FAT4: variants seen among roughly 807,000 people sequenced by gnomAD.
FAT4 encodes FAT atypical cadherin 4, also known as protocadherin Fat 4.
In FAT4, 84 loss-of-function variants were observed where a neutral mutation model predicts 303.9. That is an observed-to-expected ratio of 0.28 (90% CI 0.23 to 0.33). The LOEUF (loss-of-function observed/expected upper bound fraction) is 0.33, where lower values mean the gene tolerates loss of function less well. Among genes scored for constraint, FAT4 ranks in the 10% least tolerant of loss-of-function variants. FAT4 has a pLI of 1.00. For synonymous variants in FAT4, 2,307 were observed against 2,298.8 expected, an observed-to-expected ratio of 1.00 and a Z score of -0.10; for missense variants, 6,005 against 6,146.8, an observed-to-expected ratio of 0.98 and a Z score of 0.77.
At chr4:125,481,066 G>C (rs542403148) in intron 15 of FAT4, among the ~76,000 whole-genome samples, 1 of 151,854 alleles carries the variant, frequency 6.6e-6, no homozygotes, top group Non-Finnish European at 1.5e-5. Flanking sequence ...GTTAGTTACC[G>C]ATGTAAATAC....
intron 8 of FAT4, among the ~76,000 whole-genome samples, chr4:125,440,118 C>A (rs991080836): frequency 6.6e-5 from 10 of 151,942 alleles, no homozygotes; most frequent in Admixed American, 2.6e-4. Flanking sequence ...TATATTCTTT[C>A]TTTTACAATA....
chr4:125,316,303 C>G lies in FAT4; in HGVS notation c.-12-97C>G. 1 of 1,437,464 alleles carries G rather than the reference C, an allele frequency of 7.0e-7. No individual in the cohort carries two copies. The highest frequency in any genetic ancestry group is 9.3e-7 in the Non-Finnish European group (1 of 1,075,926). 89.0% of individuals were successfully genotyped at this position (1,437,464 alleles called of 1,614,324 possible). A position where few individuals can be genotyped will look rare whatever the true frequency, so the allele number is the denominator to read the frequency against. The stretch of plus-strand genomic sequence containing the variant: ...TCTTTGAAATAGCAGAGGTCTCAGA[C>G]CAAGCCGTCAGCTGAATCTTTGCTG... On this transcript the variant is annotated intron_variant, in intron 1 of 17. Transcript: ENST00000394329. This position sits in a 1 kb window ranked among gnomAD's most constrained non-coding sequence, Gnocchi z 5.7.
At chr4:125,463,982 A>T (rs1435556261) in intron 11 of FAT4, among the ~76,000 whole-genome samples, 1 of 152,126 alleles carries the variant, frequency 6.6e-6, no homozygotes. Context: ...AAATTCTGTA[A>T]GCACTCTTTC....
chr4:125,483,121 T>G (rs2126088512), intron 16 of FAT4, among the ~76,000 whole-genome samples: 1 of 152,302 alleles, frequency 6.6e-6, no homozygotes, highest in Admixed American at 6.5e-5. Context: ...CCCTTTTCCC[T>G]TACAAGAGAA....
rs759482090 is a variant in FAT4, at chr4:125,321,232, G to T, written c.4821G>T (p.Gly1607=). The T allele has an allele frequency of 6.2e-7, 1 of 1,614,014 alleles. No homozygotes were observed. The highest frequency in any genetic ancestry group is 1.7e-5 in the Admixed American group (1 of 59,996). Residue 1607 remains glycine, a synonymous_variant, in exon 2 of 18, where the codon GGG becomes GGT. Transcript: ENST00000394329. ...YNLIVSATDL[G]PERRKSTTEL... is the part of the protein sequence containing the mutation. The stretch of plus-strand genomic sequence containing the variant: ...TCATAGTTTCAGCAACAGACCTTGG[G>T]CCTGAAAGGAGGAAATCGACCACTG...
chr4:125,404,207 A>C (rs945678010), intron 3 of FAT4, among the ~76,000 whole-genome samples: 1 of 152,110 alleles, frequency 6.6e-6, no homozygotes, highest in Non-Finnish European at 1.5e-5. Flanking sequence ...TTCATTTTAC[A>C]GAACTGTTTC....
intron 10 of FAT4, among the ~76,000 whole-genome samples, chr4:125,462,879 A>G (rs1479926909): frequency 1.3e-5 from 2 of 152,072 alleles, no homozygotes; most frequent in Non-Finnish European, 2.9e-5. Context: ...TGTCTGGCCC[A>G]TAATAAGCAC....
At chr4:125,335,425 T>G (rs1176022290) in intron 2 of FAT4, among the ~76,000 whole-genome samples, 1 of 152,074 alleles carries the variant, frequency 6.6e-6, no homozygotes, top group Non-Finnish European at 1.5e-5. Flanking sequence ...TTATTATAAG[T>G]GTCTAAAATT....
chr4:125,375,877 TTA>T (rs1160783734), intron 2 of FAT4, among the ~76,000 whole-genome samples: 1 of 152,224 alleles, frequency 6.6e-6, no homozygotes, highest in Non-Finnish European at 1.5e-5. Flanking sequence ...TACAATATAT[TTA>T]CCTGACATTA....
In FAT4 at chr4:125,415,922, A is replaced by G. The variant is rs149107843; in HGVS notation, c.6843+116A>G. ...GTTCTCTCCTCATTCTCATCCATAAATGCTCAATTGCAGATACAGCAAATT... is the reference window on the plus strand; with the variant it reads ...GTTCTCTCCTCATTCTCATCCATAAGTGCTCAATTGCAGATACAGCAAATT... On this transcript the variant is annotated intron_variant, in intron 6 of 17. Transcript: ENST00000394329. The G allele has an allele frequency of 5.3e-4, 415 of 782,198 alleles. 1 individual carries two copies. The highest frequency in any genetic ancestry group is 7.3e-4 in the Non-Finnish European group (364 of 501,506). 48.5% of individuals were successfully genotyped at this position (782,198 alleles called of 1,614,324 possible).
chr4:125,361,959 G>A (rs1210785319), intron 2 of FAT4, among the ~76,000 whole-genome samples: 18 of 152,002 alleles, frequency 1.2e-4, no homozygotes, highest in Admixed American at 1.2e-3. Context: ...ATGTTGCCTT[G>A]TTTATTTTAA....
intron 17 of FAT4, among the ~76,000 whole-genome samples, chr4:125,488,817 A>G (rs1450044777): frequency 1.3e-5 from 2 of 152,218 alleles, no homozygotes; most frequent in Non-Finnish European, 2.9e-5. Context: ...AGTACTGGAC[A>G]TGGATGTGAT....
At chr4:125,423,375 G>A (rs1724974662) in intron 7 of FAT4, among the ~76,000 whole-genome samples, 3 of 152,130 alleles carry the variant, frequency 2.0e-5, no homozygotes, top group Non-Finnish European at 2.9e-5. Context: ...CCACATCATA[G>A]TCACTCTAGC....
In FAT4 at chr4:125,317,759, G is replaced by A. The variant is rs756378994; in HGVS notation, c.1348G>A (p.Ala450Thr). ...VSDNYGAPPG[A>T]AVQARSSVAS... The stretch of plus-strand genomic sequence containing the variant: ...TGATAACTACGGGGCGCCCCCTGGC[G>A]CAGCAGTCCAGGCGCGCTCTTCTGT... The change falls in exon 2 of 18, where the codon GCA (alanine) becomes ACA (threonine). Residue 450 changes from alanine (A) to threonine (T), a missense_variant. Transcript: ENST00000394329. The surrounding 1 kb of genome is among the most constrained non-coding windows in gnomAD (Gnocchi z 7.0). 6.2e-7 allele frequency: 1 copy of A among 1,614,130 alleles called. No homozygotes were observed. The highest frequency in any genetic ancestry group is 1.1e-5 in the South Asian group (1 of 91,086).
Position 125,448,487 on chromosome 4 carries a change from A to G in FAT4, c.7477A>G (p.Thr2493Ala). 6.2e-7 allele frequency: 1 copy of G among 1,609,306 alleles called. No individual in the cohort carries two copies. Among genetic ancestry groups the G allele is most frequent in the South Asian group, 1.1e-5 (1 of 90,606 alleles). Residue 2493 changes from threonine (T) to alanine (A), a missense_variant, in exon 10 of 18, where the codon ACA (threonine) becomes GCA (alanine). Thr to Ala is a moderately conservative substitution (Grantham distance 58, BLOSUM62 0). Coordinates refer to ENST00000394329, the MANE Select transcript of FAT4 (RefSeq NM_001291303.3). ...TTCCTTTGTCTTTGCGGTTACAGTC[A>G]CAGATGCTGATATTGGACCAAATTC... Reference protein sequence around the residue: ...PGSFVFAVTVTDADIGPNSEL... With the variant: ...PGSFVFAVTVADADIGPNSEL...
rs775290400 is a variant in FAT4 at position 125,415,042 on chromosome 4, C to T, written c.6079C>T (p.Pro2027Ser). The T allele has an allele frequency of 1.9e-6, 3 of 1,614,072 alleles. No individual in the cohort carries two copies. The highest frequency in any genetic ancestry group is 3.3e-5 in the Admixed American group (2 of 60,004). ...VVQVHDLPQI[P>S]ASRFTSTAQV... ...TCAAGTGCATGACCTGCCACAGATT[C>T]CAGCCTCCAGATTCACAAGCACTGC... Residue 2027 changes from proline to serine, a missense_variant, in exon 6 of 18, where the codon CCA becomes TCA. Coordinates refer to ENST00000394329, the MANE Select transcript of FAT4 (RefSeq NM_001291303.3).
Position 125,449,049 on chromosome 4 carries a change from T to C in FAT4, c.8039T>C (p.Ile2680Thr). 6.2e-7 allele frequency: 1 copy of C among 1,613,902 alleles called. No homozygotes were observed. The highest frequency in any genetic ancestry group is 1.1e-5 in the South Asian group (1 of 91,072). ...AAGGAAGACCCATTTATATCTGAAA[T>C]ATTGGAAAACCTTTCCCCTCGAAAA... Reference protein sequence around the residue: ...IFKEDPFISEILENLSPRKIL... With the variant: ...IFKEDPFISETLENLSPRKIL... The change falls in exon 10 of 18, where the codon ATA (isoleucine) becomes ACA (threonine). Residue 2680 changes from isoleucine to threonine, a missense_variant. By Grantham distance (89) the Ile-to-Thr change is moderately conservative (BLOSUM62 -1). Transcript: ENST00000394329.
chr4:125,342,739 G>C (rs1731846422), intron 2 of FAT4, among the ~76,000 whole-genome samples: 1 of 151,662 alleles, frequency 6.6e-6, no homozygotes, highest in Non-Finnish European at 1.5e-5. Flanking sequence ...TAACAATATG[G>C]TCAAGAATGA....
At chr4:125,362,625 G>A (rs1732717340) in intron 2 of FAT4, among the ~76,000 whole-genome samples, 1 of 152,128 alleles carries the variant, frequency 6.6e-6, no homozygotes. Flanking sequence ...AATACCATAT[G>A]AATTTTAAAT....
Sources: gnomAD v4.1 joint callset for allele counts (sites outside exome capture counted in the v4.1 genomes callset) on GRCh38, gnomAD v4.1.1 for gene constraint, Gnocchi (gnomAD v3.1) non-coding constraint, MANE v1.5 for transcripts, NCBI Gene and HGNC (gene_info 2026-07-23, HGNC 2026-07-21) for gene names.